The following ANPEP variants were observed in gnomAD, a reference collection of about 807,000 sequenced individuals.
The protein encoded by ANPEP is alanyl aminopeptidase, membrane.
In ANPEP, 70 loss-of-function variants were observed where a neutral mutation model predicts 114.6. That is an observed-to-expected ratio of 0.61 (90% CI 0.50 to 0.75). The LOEUF (loss-of-function observed/expected upper bound fraction) is 0.75, where lower values mean the gene tolerates loss of function less well. Ranked by LOEUF, ANPEP falls within the 30% of genes least tolerant of loss-of-function variation. ANPEP has a pLI of 0.00. For synonymous variants in ANPEP, 548 were observed against 522.3 expected (o/e 1.05, Z -0.67); for missense variants, 1,184 against 1,259.5 (o/e 0.94, Z 0.91).
At chr15:89,800,985 G>A (rs987526903) in intron 12 of ANPEP, 126 bp downstream of exon 12, 2 of 783,960 alleles carry the variant, frequency 2.6e-6, no homozygotes, top group Non-Finnish European at 4.2e-6. Context: ...CAGCAAAGTG[G>A]AGATTGGAAC....
rs1894544578 is a variant in ANPEP at position 89,799,589 on chromosome 15, C to G, written c.1820-30G>C. 1 of 1,613,812 alleles carries G rather than the reference C, an allele frequency of 6.2e-7. No individual in the cohort carries two copies. The highest frequency in any genetic ancestry group is 1.1e-5 in the South Asian group (1 of 91,074). ...GGAGAGGGACGAGACCTGGGCAGGG[C>G]TGCTCAGAGGCCATGGGCTGACCCC... On this transcript the variant is annotated intron_variant, in intron 12 of 20. Transcript: ENST00000300060. The surrounding 1 kb of genome is among the most constrained non-coding windows in gnomAD (Gnocchi z 4.2).
intron 1 of ANPEP, among the ~76,000 whole-genome samples, chr15:89,810,714 G>A (rs527726169): frequency 2.0e-4 from 31 of 152,340 alleles, no homozygotes; most frequent in African/African-American, 7.0e-4. Context: ...CCCAATACAT[G>A]TTGGCCAAAT....
At chr15:89,796,114 A>G (rs1275821527) in intron 15 of ANPEP, among the ~76,000 whole-genome samples, 2 of 152,208 alleles carry the variant, frequency 1.3e-5, no homozygotes, top group Admixed American at 6.5e-5. Flanking sequence ...TAATGGAGAG[A>G]CTGAGGCAGG....
intron 1 of ANPEP, among the ~76,000 whole-genome samples, chr15:89,813,317 T>C (rs999124880): frequency 2.0e-5 from 3 of 152,166 alleles, no homozygotes; most frequent in African/African-American, 7.2e-5. Flanking sequence ...ATACAATTCT[T>C]ACAGCGATGG....
intron 16 of ANPEP, 33 bp downstream of exon 16, chr15:89,793,002 A>C: frequency 1.3e-6 from 2 of 1,582,716 alleles, no homozygotes; most frequent in Non-Finnish European, 1.7e-6. Flanking sequence ...CGGGGTGCCC[A>C]GGACTTCCAA....
At chr15:89,791,357 C>T (rs576847069) in intron 18 of ANPEP, among the ~76,000 whole-genome samples, 2 of 152,308 alleles carry the variant, frequency 1.3e-5, no homozygotes, top group African/African-American at 2.4e-5. Flanking sequence ...GGAGTCCTAG[C>T]GCCCCAAGCC....
chr15:89,792,020 C>A, intron 18 of ANPEP, 140 bp downstream of exon 18: 1 of 1,005,516 alleles, frequency 9.9e-7, no homozygotes, highest in Non-Finnish European at 1.4e-6. Flanking sequence ...CCAGTCTGCA[C>A]CGGTTACTTT....
chr15:89,804,031 C>T (rs1281268717), intron 6 of ANPEP, 29 bp from the exon 7 acceptor site: 1 of 1,608,356 alleles, frequency 6.2e-7, no homozygotes, highest in Non-Finnish European at 8.5e-7. Context: ...GCTGGGCAAG[C>T]CACGCCCAGG....
intron 20 of ANPEP, among the ~76,000 whole-genome samples, chr15:89,788,760 C>T (rs937426357): frequency 2.7e-5 from 4 of 146,352 alleles, no homozygotes; most frequent in Non-Finnish European, 6.0e-5. Flanking sequence ...ACCACCATGC[C>T]CAGCTTATTT....
At chr15:89,798,926 G>T (rs1894528501) in intron 14 of ANPEP, among the ~76,000 whole-genome samples, 1 of 151,292 alleles carries the variant, frequency 6.6e-6, no homozygotes, top group African/African-American at 2.4e-5. Flanking sequence ...GCAACAGAGC[G>T]AGACTCCGTC....
At chr15:89,807,903 C>T in intron 1 of ANPEP, among the ~76,000 whole-genome samples, 1 of 152,172 alleles carries the variant, frequency 6.6e-6, no homozygotes, top group East Asian at 1.9e-4. Context: ...ACATCCAATT[C>T]ACCCACATTC....
rs2305443 is a variant in ANPEP at position 89,803,630 on chromosome 15, C to T, written c.1437+17G>A. The T allele has an allele frequency of 0.49, 782,730 of 1,605,474 alleles. 193,136 individuals carry two copies. Among genetic ancestry groups the T allele is most frequent in the Non-Finnish European group, 0.51 (595,783 of 1,174,846 alleles). ...TCCCCACCTCCTTCCCCGTGCCCCA[C>T]GAGGAGCGGGCTGCACCTTGCTGTA... On this transcript the variant is annotated intron_variant, in intron 8 of 20. Transcript: ENST00000300060. This position sits in a 1 kb window ranked among gnomAD's most constrained non-coding sequence, Gnocchi z 4.2.
intron 14 of ANPEP, among the ~76,000 whole-genome samples, chr15:89,798,321 C>A (rs575095352): frequency 1.3e-5 from 2 of 152,244 alleles, no homozygotes; most frequent in South Asian, 4.1e-4. Flanking sequence ...GAACAGTGGC[C>A]CAGCATAGTC....
At chr15:89,796,245 G>T (rs1413749489) in intron 15 of ANPEP, among the ~76,000 whole-genome samples, 1 of 152,204 alleles carries the variant, frequency 6.6e-6, no homozygotes, top group African/African-American at 2.4e-5. Context: ...TTGACCTATT[G>T]TGTGATACAT....
At chr15:89,792,102 G>A (rs910818913) in intron 18 of ANPEP, 58 bp downstream of exon 18, 1 of 1,570,728 alleles carries the variant, frequency 6.4e-7, no homozygotes, top group Non-Finnish European at 8.7e-7. Flanking sequence ...GTGGAGGCCT[G>A]CCTGGTTCTC....
intron 2 of ANPEP, 27 bp downstream of exon 2, chr15:89,805,943 C>T (rs764435019): frequency 6.4e-7 from 1 of 1,564,948 alleles, no homozygotes; most frequent in Admixed American, 1.7e-5. Context: ...CGGATCCACC[C>T]CACCGGGCAG....
chr15:89,803,064 G>C lies in ANPEP; in HGVS notation c.1569+175C>G, dbSNP rs377173432. Among the ~76,000 whole-genome samples the C allele has an allele frequency of 8.5e-5, 13 of 152,162 alleles. No individual in the cohort carries two copies. Among genetic ancestry groups the C allele is most frequent in the East Asian group, 7.7e-4 (4 of 5,194 alleles). On this transcript the variant is annotated intron_variant, in intron 10 of 20. Transcript: ENST00000300060. This position sits in a 1 kb window ranked among gnomAD's most constrained non-coding sequence, Gnocchi z 4.2. Reference sequence around the variant, plus strand: ...CCACAGCCTCACTCAGACACCTCTTGCAAGGAGCCATCCCGGCTTCCACTA... The same window carrying C: ...CCACAGCCTCACTCAGACACCTCTTCCAAGGAGCCATCCCGGCTTCCACTA...
At position 89,803,427 on chromosome 15, in the gene ANPEP, G is replaced by C; in HGVS notation, c.1503+15C>G. Reference sequence around the variant, plus strand: ...GAGACCCACCCTCATGGCTGGCCCAGGGTGCAGTACTCACCGCCAGGCCCT... The same window carrying C: ...GAGACCCACCCTCATGGCTGGCCCACGGTGCAGTACTCACCGCCAGGCCCT... On this transcript the variant is annotated intron_variant, in intron 9 of 20. Coordinates refer to ENST00000300060, the MANE Select transcript of ANPEP (RefSeq NM_001150.3). This position sits in a 1 kb window ranked among gnomAD's most constrained non-coding sequence, Gnocchi z 4.2. 6.2e-7 allele frequency: 1 copy of C among 1,608,962 alleles called. No individual in the cohort carries two copies. The highest frequency in any genetic ancestry group is 8.5e-7 in the Non-Finnish European group (1 of 1,177,528).
chr15:89,806,073 C>G lies in ANPEP; in HGVS notation c.511G>C (p.Val171Leu), dbSNP rs202120635. The stretch of plus-strand genomic sequence containing the variant: ...TCCATCTCATACTGGCTGTCCTTCA[C>G]CAGGGAGCCCTTGAGGTGCACCACC... ...YLVVHLKGSL[V>L]KDSQYEMDSE... The change falls in exon 2 of 21, where the codon GTG becomes CTG. Residue 171 changes from valine (V) to leucine (L), a missense_variant. Val to Leu is a conservative substitution (Grantham distance 32). Transcript: ENST00000300060. The surrounding 1 kb of genome is among the most constrained non-coding windows in gnomAD (Gnocchi z 5.7). 1.2e-6 allele frequency: 2 copies of G among 1,614,056 alleles called. No individual in the cohort carries two copies. Among genetic ancestry groups the G allele is most frequent in the Admixed American group, 3.3e-5 (2 of 60,016 alleles).
Sources: allele counts gnomAD v4.1 joint callset (sites outside exome capture counted in the v4.1 genomes callset), GRCh38; gene constraint gnomAD v4.1.1; non-coding constraint Gnocchi (gnomAD v3.1); transcripts MANE v1.5; gene names NCBI Gene and HGNC (gene_info 2026-07-23, HGNC 2026-07-21).